HS3ST4: variants seen among roughly 807,000 people sequenced by gnomAD.
The protein encoded by HS3ST4 is heparan sulfate glucosamine 3-O-sulfotransferase 4.
Under a neutral mutation model 29.2 loss-of-function variants are expected in HS3ST4, and 17 were observed. The ratio of observed to expected loss-of-function variants is 0.58; its 90% CI spans 0.40 to 0.87. The LOEUF (loss-of-function observed/expected upper bound fraction) is 0.87, where lower values mean the gene tolerates loss of function less well. HS3ST4 is among the 40% of genes least tolerant of loss of function. The pLI, the probability that HS3ST4 is intolerant of heterozygous loss-of-function variation, is 0.00. For missense variants in HS3ST4, 627 were observed against 634.5 expected (o/e 0.99, Z 0.13); for synonymous variants, 314 against 285.7 (o/e 1.10, Z -1.00).
chr16:25,719,509 G>C (rs1966478887), intron 1 of HS3ST4, among the ~76,000 whole-genome samples: 2 of 152,324 alleles, frequency 1.3e-5, no homozygotes, highest in South Asian at 4.1e-4. Context: ...ATCCAGATAG[G>C]TAGTGCTGGG....
chr16:25,771,853 G>A (rs1053199079), intron 1 of HS3ST4, among the ~76,000 whole-genome samples: 1 of 152,184 alleles, frequency 6.6e-6, no homozygotes, highest in Non-Finnish European at 1.5e-5. Context: ...AGAACATTGA[G>A]TACATACTGT....
chr16:25,917,597 T>C (rs181354991), intron 1 of HS3ST4, among the ~76,000 whole-genome samples: 1 of 152,326 alleles, frequency 6.6e-6, no homozygotes, highest in Non-Finnish European at 1.5e-5. Flanking sequence ...TGTTTTTCTA[T>C]TGTATGTGTG....
In HS3ST4 at chr16:26,136,189, A is replaced by T. The variant is rs372996053; in HGVS notation, c.1312A>T (p.Met438Leu). 2 of 1,613,412 alleles carry T rather than the reference A, an allele frequency of 1.2e-6. No individual in the cohort carries two copies. The highest frequency in any genetic ancestry group is 1.3e-5 in the African/African-American group (1 of 75,042). ...GAAATTCTACAAACCCTTCAACTTG[A>T]TGTTTTACCAAATGACTGGTCAAGA... is the stretch of plus-strand genomic sequence containing the variant. Reference protein sequence around the residue: ...LRKFYKPFNLMFYQMTGQDFQ... With the variant: ...LRKFYKPFNLLFYQMTGQDFQ... The change falls in exon 2 of 2, where the codon ATG becomes TTG. Residue 438 changes from methionine to leucine, a missense_variant. Physicochemically the swap from Met to Leu is conservative, Grantham distance 15. Coordinates refer to ENST00000331351, the MANE Select transcript of HS3ST4 (RefSeq NM_006040.3).
At chr16:26,064,047 T>G (rs571070267) in intron 1 of HS3ST4, among the ~76,000 whole-genome samples, 1 of 152,240 alleles carries the variant, frequency 6.6e-6, no homozygotes, top group East Asian at 1.9e-4. Context: ...GACTAAAATA[T>G]ATAAGAAGCT....
At position 25,795,132 on chromosome 16, in the gene HS3ST4, C is replaced by T. The variant is rs186186036; in HGVS notation, c.734+101981C>T. Among the ~76,000 whole-genome samples, 1,219 of 151,860 alleles carry T rather than the reference C, an allele frequency of 8.0e-3. 7 individuals are homozygous for T. Among genetic ancestry groups the T allele is most frequent in the Non-Finnish European group, 0.013 (895 of 67,898 alleles). ...GATTACAGGCGCCTGCCACCACACC[C>T]GGCTAATTTTTTGTATTTTTAGTAG... On this transcript the variant is annotated intron_variant, in intron 1 of 1. Coordinates refer to ENST00000331351, the MANE Select transcript of HS3ST4 (RefSeq NM_006040.3).
chr16:26,020,791 G>A (rs1284469893), intron 1 of HS3ST4, among the ~76,000 whole-genome samples: 11 of 152,272 alleles, frequency 7.2e-5, no homozygotes, highest in African/African-American at 1.2e-4. Context: ...TAGGTGATCC[G>A]TGTGCAGGTT....
At chr16:26,113,926 A>G (rs1899168322) in intron 1 of HS3ST4, among the ~76,000 whole-genome samples, 1 of 152,176 alleles carries the variant, frequency 6.6e-6, no homozygotes, top group African/African-American at 2.4e-5. Context: ...ATGTGGGCAT[A>G]CATATCTGCA....
intron 1 of HS3ST4, among the ~76,000 whole-genome samples, chr16:25,745,745 A>G (rs1394465183): frequency 6.6e-6 from 1 of 152,182 alleles, no homozygotes; most frequent in East Asian, 1.9e-4. Flanking sequence ...CTAGAGTTTT[A>G]TATAAAAAGA....
intron 1 of HS3ST4, among the ~76,000 whole-genome samples, chr16:26,044,405 A>G (rs913163816): frequency 6.6e-6 from 1 of 152,162 alleles, no homozygotes; most frequent in African/African-American, 2.4e-5. Flanking sequence ...GATCTTTCCT[A>G]TGTGATGGAG....
intron 1 of HS3ST4, among the ~76,000 whole-genome samples, chr16:25,783,905 TTTTG>T (rs148604848): frequency 0.067 from 10,255 of 152,158 alleles, 451 homozygotes; most frequent in South Asian, 0.13. Context: ...GATACTGTGT[TTTTG>T]TTTGTTTGTT....
intron 1 of HS3ST4, among the ~76,000 whole-genome samples, chr16:25,735,172 G>T (rs1966598943): frequency 6.6e-6 from 1 of 152,178 alleles, no homozygotes; most frequent in South Asian, 2.1e-4. Flanking sequence ...TAGGCAGTGA[G>T]CACTGTAAGA....
chr16:25,809,341 G>A (rs527243773), intron 1 of HS3ST4, among the ~76,000 whole-genome samples: 141 of 152,210 alleles, frequency 9.3e-4, no homozygotes, highest in Middle Eastern at 3.4e-3. Context: ...TGATATAGTG[G>A]ATTACATTGA....
At chr16:26,106,204 T>C (rs1412574149) in intron 1 of HS3ST4, among the ~76,000 whole-genome samples, 1 of 152,140 alleles carries the variant, frequency 6.6e-6, no homozygotes, top group Non-Finnish European at 1.5e-5. Flanking sequence ...ATTTCCCTTT[T>C]ACAATAGTTG....
intron 1 of HS3ST4, among the ~76,000 whole-genome samples, chr16:25,794,412 A>C (rs778823123): frequency 5.3e-5 from 8 of 151,602 alleles, no homozygotes; most frequent in Non-Finnish European, 1.0e-4. Flanking sequence ...TCCTTAGCAC[A>C]GGTCCCTGGC....
intron 1 of HS3ST4, among the ~76,000 whole-genome samples, chr16:25,979,235 C>T (rs1968977570): frequency 1.3e-5 from 2 of 152,150 alleles, no homozygotes; most frequent in African/African-American, 4.8e-5. Flanking sequence ...TTGCTTCTAG[C>T]TTTGCACTGG....
intron 1 of HS3ST4, among the ~76,000 whole-genome samples, chr16:25,878,966 G>A (rs1025157343): frequency 6.6e-6 from 1 of 152,020 alleles, no homozygotes; most frequent in Non-Finnish European, 1.5e-5. Flanking sequence ...TCTGCTTCAG[G>A]AAAAAACAGT....
At chr16:26,113,566 G>A (rs1899163517) in intron 1 of HS3ST4, among the ~76,000 whole-genome samples, 1 of 151,240 alleles carries the variant, frequency 6.6e-6, no homozygotes, top group Non-Finnish European at 1.5e-5. Flanking sequence ...TCTCCAGGCT[G>A]ATTCTCCAGT....
chr16:26,119,516 T>C (rs999901019), intron 1 of HS3ST4, among the ~76,000 whole-genome samples: 1 of 152,146 alleles, frequency 6.6e-6, no homozygotes, highest in African/African-American at 2.4e-5. Context: ...GAGTGGATGG[T>C]GATGCCCTCT....
intron 1 of HS3ST4, among the ~76,000 whole-genome samples, chr16:25,851,929 A>G (rs1967526306): frequency 6.6e-6 from 1 of 152,194 alleles, no homozygotes; most frequent in South Asian, 2.1e-4. Flanking sequence ...GTAGTTAAGG[A>G]CTATGTGCTT....
Sources: allele counts gnomAD v4.1 joint callset (sites outside exome capture counted in the v4.1 genomes callset), GRCh38; gene constraint gnomAD v4.1.1; transcripts MANE v1.5; gene names NCBI Gene and HGNC (gene_info 2026-07-23, HGNC 2026-07-21).